The following TAF4B variants were observed in gnomAD, a reference collection of about 807,000 sequenced individuals.
TAF4B encodes transcription initiation factor TFIID subunit 4B.
TAF4B carries 38 observed loss-of-function variants against 86.4 expected under a neutral mutation model. The observed-to-expected ratio is 0.44, with a 90% CI of 0.34 to 0.58. The LOEUF is 0.58. TAF4B is among the 20% of genes least tolerant of loss of function. The pLI, the probability that TAF4B is intolerant of heterozygous loss-of-function variation, is 0.02. For missense variants in TAF4B, 988 were observed against 1,027.6 expected (o/e 0.96, Z 0.53); for synonymous variants, 388 against 391.2 (o/e 0.99, Z 0.10).
chr18:26,231,347 T>TTTTTC (rs2055667207), intron 1 of TAF4B, among the ~76,000 whole-genome samples: 1 of 126,970 alleles, frequency 7.9e-6, no homozygotes, highest in Non-Finnish European at 1.7e-5. Context: ...TGCTTGGGGT[T>TTTTTC]TTTTTTTTTT....
At chr18:26,329,227 T>A (rs1200908477) in intron 12 of TAF4B, among the ~76,000 whole-genome samples, 1 of 151,984 alleles carries the variant, frequency 6.6e-6, no homozygotes, top group African/African-American at 2.4e-5. Flanking sequence ...CTGGCTAAAT[T>A]TTGATTTTTT....
chr18:26,380,728 T>C (rs541711760), intron 14 of TAF4B, among the ~76,000 whole-genome samples: 2 of 152,312 alleles, frequency 1.3e-5, no homozygotes, highest in South Asian at 4.1e-4. Flanking sequence ...TTTCCTTTGG[T>C]TTACTTCCAC....
At chr18:26,231,457 A>G (rs1040781375) in intron 1 of TAF4B, among the ~76,000 whole-genome samples, 2 of 150,252 alleles carry the variant, frequency 1.3e-5, no homozygotes, top group Non-Finnish European at 3.0e-5. Context: ...GGTTCAAGCA[A>G]TTCTCATGTC....
In TAF4B at chr18:26,330,768, A is replaced by G. The variant is rs184178486; in HGVS notation, c.2259+3628A>G. ...CTACCCTTAATCTCTCCATGTTTGTAAAAACATTCTCCAGTCTTGAGAAAC... is the reference window on the plus strand; with the variant it reads ...CTACCCTTAATCTCTCCATGTTTGTGAAAACATTCTCCAGTCTTGAGAAAC... On this transcript the variant is annotated intron_variant, in intron 12 of 14. Transcript: ENST00000269142. Among the ~76,000 whole-genome samples the G allele has an allele frequency of 2.6e-5, 4 of 152,318 alleles. No individual in the cohort carries two copies. In the East Asian group the frequency reaches 7.7e-4, roughly 29 times the overall value.
At chr18:26,249,063 T>G (rs901722165) in intron 1 of TAF4B, among the ~76,000 whole-genome samples, 1 of 151,408 alleles carries the variant, frequency 6.6e-6, no homozygotes, top group Non-Finnish European at 1.5e-5. Context: ...TCCCAGCTAC[T>G]CTGGAGGCTG....
chr18:26,346,156 T>C lies in TAF4B; in HGVS notation c.2316+10925T>C, dbSNP rs544805241. ...GCTAAGTGAATGAGAAATCTAATAA[T>C]GAGATAGATATCGTAATAAAGAACC... On this transcript the variant is annotated intron_variant, in intron 13 of 14. Transcript: ENST00000269142. Among the ~76,000 whole-genome samples, 302 of 152,166 alleles carry C rather than the reference T, an allele frequency of 2.0e-3. 2 individuals carry two copies. The highest frequency in any genetic ancestry group is 7.1e-3 in the African/African-American group (294 of 41,504).
chr18:26,278,293 G>A (rs1051295946), intron 5 of TAF4B, among the ~76,000 whole-genome samples: 6 of 152,082 alleles, frequency 3.9e-5, no homozygotes, highest in Admixed American at 3.9e-4. Context: ...AAGTGAAATT[G>A]GGTCTATTTT....
rs142555127 is a variant in TAF4B at position 26,334,530 on chromosome 18, A to G, written c.2260-645A>G. Among the ~76,000 whole-genome samples the G allele has an allele frequency of 6.6e-3, 1,006 of 152,318 alleles. 11 individuals carry two copies. Among genetic ancestry groups the G allele is most frequent in the African/African-American group, 0.023 (961 of 41,562 alleles). ...CCTTTGTTCCATCATAGCTTGATAC[A>G]TAGAAAACAGCTCTCTTCTTATGCC... On this transcript the variant is annotated intron_variant, in intron 12 of 14. Coordinates refer to ENST00000269142, the MANE Select transcript of TAF4B (RefSeq NM_005640.3).
chr18:26,264,387 G>T (rs1289409682), intron 1 of TAF4B, among the ~76,000 whole-genome samples: 1 of 152,210 alleles, frequency 6.6e-6, no homozygotes, highest in Non-Finnish European at 1.5e-5. Context: ...GTTGCAGTGA[G>T]CCAAGATCGT....
In TAF4B at chr18:26,245,426, G is replaced by A. The variant is rs141264299; in HGVS notation, c.343+18150G>A. ...AGCGATAGAACAAAGCTTCCACAGT[G>A]TGGAAGGGGACCCAAGTGGGTTGCT... is the stretch of plus-strand genomic sequence containing the variant. On this transcript the variant is annotated intron_variant, in intron 1 of 14. Transcript: ENST00000269142. 8.1e-3 allele frequency among the ~76,000 whole-genome samples: 1,239 copies of A among 152,214 alleles called. 10 individuals are homozygous for A. Among genetic ancestry groups the A allele is most frequent in the Non-Finnish European group, 0.013 (879 of 68,016 alleles).
At chr18:26,231,345 G>GTT (rs2055667015) in intron 1 of TAF4B, among the ~76,000 whole-genome samples, 1 of 50,664 alleles carries the variant, frequency 2.0e-5, no homozygotes, top group Non-Finnish European at 3.3e-5. Context: ...GCTGCTTGGG[G>GTT]TTTTTTTTTT....
At chr18:26,298,176 G>T (rs889554919) in intron 9 of TAF4B, among the ~76,000 whole-genome samples, 1 of 151,334 alleles carries the variant, frequency 6.6e-6, no homozygotes, top group African/African-American at 2.4e-5. Flanking sequence ...CTTCTTTTGT[G>T]AAATATGTGT....
At position 26,372,960 on chromosome 18, in the gene TAF4B, C is replaced by CAA. The variant is rs55712756; in HGVS notation, c.2421+15180_2421+15181dup. ...TGGGCAAAAGAGCTAGACTCTGTCT[C>CAA]AAAAAAAAAAAAAAAGTAACAACAC... On this transcript the variant is annotated intron_variant, in intron 14 of 14. Coordinates refer to ENST00000269142, the MANE Select transcript of TAF4B (RefSeq NM_005640.3). 4.0e-3 allele frequency among the ~76,000 whole-genome samples: 555 copies of CAA among 138,524 alleles called. 3 individuals carry two copies. The highest frequency in any genetic ancestry group is 8.0e-3 in the African/African-American group (291 of 36,404). 90.9% of individuals were successfully genotyped at this position (138,524 alleles called of 152,430 possible).
chr18:26,276,424 A>G (rs1409758731), intron 5 of TAF4B, among the ~76,000 whole-genome samples: 3 of 152,330 alleles, frequency 2.0e-5, no homozygotes, highest in Non-Finnish European at 2.9e-5. Context: ...TTGAACTACT[A>G]TAATATACAG....
chr18:26,346,777 G>A (rs60118092), intron 13 of TAF4B, among the ~76,000 whole-genome samples: 802 of 14,078 alleles, frequency 0.057, 122 homozygotes, highest in South Asian at 0.093. Context: ...ATATATATGT[G>A]TGTGTATATA....
intron 13 of TAF4B, among the ~76,000 whole-genome samples, chr18:26,354,306 C>G (rs2057269208): frequency 6.6e-6 from 1 of 152,320 alleles, no homozygotes. Context: ...CTCCTGACCT[C>G]AAGTGATCTG....
intron 1 of TAF4B, among the ~76,000 whole-genome samples, chr18:26,228,648 A>G (rs1293243518): frequency 2.0e-5 from 3 of 151,756 alleles, no homozygotes; most frequent in Admixed American, 1.3e-4. Flanking sequence ...ATTAAGAAAG[A>G]ACTGTCTGAG....
chr18:26,306,396 T>C, intron 9 of TAF4B, among the ~76,000 whole-genome samples: 1 of 152,194 alleles, frequency 6.6e-6, no homozygotes, highest in East Asian at 1.9e-4. Flanking sequence ...ATATCTGCTG[T>C]CTTGAGGTAC....
At position 26,321,189 on chromosome 18, in the gene TAF4B, A is replaced by T; in HGVS notation, c.2122A>T (p.Thr708Ser). The T allele has an allele frequency of 6.2e-7, 1 of 1,613,686 alleles. No individual in the cohort carries two copies. Among genetic ancestry groups the T allele is most frequent in the Non-Finnish European group, 8.5e-7 (1 of 1,179,712 alleles). The stretch of plus-strand genomic sequence containing the variant: ...GACTGCAATTGCTCAGCATCGAATG[A>T]CTACTTACAAGGTAAAGGAAATCAT... ...KLTAIAQHRM[T>S]TYKASENYIL... Residue 708 changes from threonine (T) to serine (S), a missense_variant, in exon 11 of 15, where the codon ACT (threonine) becomes TCT (serine). Thr to Ser is a moderately conservative substitution (Grantham distance 58, BLOSUM62 1). Around this residue, in one of 3 missense-constraint regions of TAF4B, gnomAD observed 216 missense variants for 238.4 expected, o/e 0.91. Transcript: ENST00000269142.
Sources: gnomAD v4.1 joint callset for allele counts (sites outside exome capture counted in the v4.1 genomes callset) on GRCh38, gnomAD v4.1.1 for gene constraint, gnomAD v4.1.1 regional missense constraint, MANE v1.5 for transcripts, NCBI Gene and HGNC (gene_info 2026-07-23, HGNC 2026-07-21) for gene names.